The following NXPH1 variants were observed in gnomAD, a reference collection of about 807,000 sequenced individuals.
NXPH1 encodes neurexophilin 1, also known as neurexophilin-1.
Under a neutral mutation model 23.7 loss-of-function variants are expected in NXPH1, and 5 were observed. The ratio of observed to expected loss-of-function variants is 0.21; its 90% CI spans 0.11 to 0.44. The LOEUF is 0.44. Among genes scored for constraint, NXPH1 ranks in the 20% least tolerant of loss-of-function variants. NXPH1 has a pLI of 0.99. For synonymous variants in NXPH1, 144 were observed against 122.2 expected (o/e 1.18, Z -1.18); for missense variants, 324 against 321.6 (o/e 1.01, Z -0.06).
intron 2 of NXPH1, among the ~76,000 whole-genome samples, chr7:8,674,404 T>G (rs1820917199): frequency 6.6e-6 from 1 of 152,172 alleles, no homozygotes; most frequent in Non-Finnish European, 1.5e-5. Flanking sequence ...AGTATGACTA[T>G]TACACTTCTC....
At chr7:8,536,482 C>T (rs1290915909) in intron 2 of NXPH1, among the ~76,000 whole-genome samples, 1 of 151,910 alleles carries the variant, frequency 6.6e-6, no homozygotes, top group Non-Finnish European at 1.5e-5. Flanking sequence ...GCTCTTTTTG[C>T]TAGTAGTTTG....
chr7:8,440,675 A>G (rs1360721299), intron 2 of NXPH1, among the ~76,000 whole-genome samples: 4 of 151,866 alleles, frequency 2.6e-5, no homozygotes, highest in Non-Finnish European at 5.9e-5. Context: ...TATTTTCGAA[A>G]GGGCATTTGA....
At chr7:8,487,833 G>C (rs1584188944) in intron 2 of NXPH1, among the ~76,000 whole-genome samples, 1 of 152,104 alleles carries the variant, frequency 6.6e-6, no homozygotes, top group Non-Finnish European at 1.5e-5. Flanking sequence ...TTTAATATTA[G>C]AGGAGGTGTT....
At chr7:8,734,127 G>A in intron 2 of NXPH1, among the ~76,000 whole-genome samples, 1 of 152,180 alleles carries the variant, frequency 6.6e-6, no homozygotes, top group South Asian at 2.1e-4. Flanking sequence ...TTATTAAATA[G>A]AAAATCCTTT....
At chr7:8,746,960 ATAAT>A (rs1780480353) in intron 2 of NXPH1, among the ~76,000 whole-genome samples, 2 of 152,090 alleles carry the variant, frequency 1.3e-5, no homozygotes, top group African/African-American at 4.8e-5. Flanking sequence ...TTATAAATTA[ATAAT>A]TTACATAAAA....
intron 2 of NXPH1, among the ~76,000 whole-genome samples, chr7:8,707,794 C>T (rs1379160707): frequency 6.6e-6 from 1 of 152,018 alleles, no homozygotes; most frequent in Non-Finnish European, 1.5e-5. Flanking sequence ...AAAACTAGGC[C>T]TCTTTTAACT....
intron 2 of NXPH1, among the ~76,000 whole-genome samples, chr7:8,507,445 A>G (rs1817547150): frequency 6.7e-6 from 1 of 149,476 alleles, no homozygotes; most frequent in African/African-American, 2.6e-5. Flanking sequence ...GTAATGAGCT[A>G]TACTATTATT....
chr7:8,650,569 C>T (rs1260422167), intron 2 of NXPH1, among the ~76,000 whole-genome samples: 1 of 152,198 alleles, frequency 6.6e-6, no homozygotes, highest in Non-Finnish European at 1.5e-5. Context: ...TTAGAATATG[C>T]TGGTATTCTT....
chr7:8,699,888 A>C (rs191524503), intron 2 of NXPH1, among the ~76,000 whole-genome samples: 62 of 152,272 alleles, frequency 4.1e-4, no homozygotes, highest in African/African-American at 1.4e-3. Flanking sequence ...TAGAAAGGGA[A>C]GATCCACTTA....
intron 2 of NXPH1, among the ~76,000 whole-genome samples, chr7:8,570,508 G>A (rs750317991): frequency 8.6e-5 from 13 of 152,030 alleles, no homozygotes; most frequent in Non-Finnish European, 7.4e-5. Flanking sequence ...ATAGTAATCA[G>A]CATATGTAGA....
intron 2 of NXPH1, among the ~76,000 whole-genome samples, chr7:8,579,422 G>C (rs1390116028): frequency 2.0e-5 from 3 of 151,034 alleles, no homozygotes; most frequent in Non-Finnish European, 4.4e-5. Context: ...GCCCAGGCTA[G>C]AGTGCAATGG....
intron 2 of NXPH1, among the ~76,000 whole-genome samples, chr7:8,460,244 A>G (rs1017840321): frequency 1.3e-5 from 2 of 152,114 alleles, no homozygotes; most frequent in African/African-American, 4.8e-5. Flanking sequence ...TTTACCTGAA[A>G]TTTATTATTT....
chr7:8,557,915 C>G (rs993659213), intron 2 of NXPH1, among the ~76,000 whole-genome samples: 7 of 151,634 alleles, frequency 4.6e-5, no homozygotes, highest in Non-Finnish European at 1.0e-4. Context: ...ACTTTCTGAT[C>G]AGTTCCTCCC....
chr7:8,644,623 C>A (rs929137805), intron 2 of NXPH1, among the ~76,000 whole-genome samples: 3 of 151,988 alleles, frequency 2.0e-5, no homozygotes, highest in Non-Finnish European at 4.4e-5. Flanking sequence ...TGTGCTCTGC[C>A]TGCTGTCTCA....
chr7:8,749,854 C>T (rs891066174), intron 2 of NXPH1, among the ~76,000 whole-genome samples: 7 of 152,156 alleles, frequency 4.6e-5, no homozygotes, highest in Non-Finnish European at 1.0e-4. Flanking sequence ...AGCTCCTGTC[C>T]TTGATTCTTC....
intron 2 of NXPH1, among the ~76,000 whole-genome samples, chr7:8,583,184 C>G (rs1448498841): frequency 6.6e-6 from 1 of 152,222 alleles, no homozygotes; most frequent in African/African-American, 2.4e-5. Context: ...ATCCTGACTT[C>G]TAAATTGTCT....
At chr7:8,533,810 C>G (rs1817987187) in intron 2 of NXPH1, among the ~76,000 whole-genome samples, 1 of 152,018 alleles carries the variant, frequency 6.6e-6, no homozygotes, top group Non-Finnish European at 1.5e-5. Flanking sequence ...CATAGGACAC[C>G]CAGAGAAGAG....
intron 2 of NXPH1, among the ~76,000 whole-genome samples, chr7:8,451,170 C>T (rs1816501222): frequency 6.7e-6 from 1 of 150,364 alleles, no homozygotes; most frequent in Non-Finnish European, 1.5e-5. Flanking sequence ...TTATAGATCC[C>T]TTAGGAATTA....
In NXPH1 at chr7:8,448,645, T is replaced by C. The variant is rs1019572048; in HGVS notation, c.54+12878T>C. ...CAGCCTGGGCAACATGGTGAAACCC[T>C]GTCTCTACTAAAATACAAAAAACGA... On this transcript the variant is annotated intron_variant, in intron 2 of 2. Transcript: ENST00000405863. Among the ~76,000 whole-genome samples the C allele has an allele frequency of 2.8e-4, 42 of 152,038 alleles. 1 individual carries two copies. The highest frequency in any genetic ancestry group is 8.5e-4 in the African/African-American group (35 of 41,406).
Sources: allele counts gnomAD v4.1 joint callset (sites outside exome capture counted in the v4.1 genomes callset), GRCh38; gene constraint gnomAD v4.1.1; transcripts MANE v1.5; gene names NCBI Gene and HGNC (gene_info 2026-07-23, HGNC 2026-07-21).